The following SLC25A13 variants were observed in gnomAD, a reference collection of about 807,000 sequenced individuals.
SLC25A13 encodes the protein solute carrier family 25 member 13.
SLC25A13 carries 70 observed loss-of-function variants against 85.5 expected under a neutral mutation model. The observed-to-expected ratio is 0.82, with a 90% confidence interval of 0.68 to 1.00. The LOEUF (loss-of-function observed/expected upper bound fraction) is 1.00, where lower values mean the gene tolerates loss of function less well. Ranked by LOEUF, SLC25A13 falls within the 50% of genes least tolerant of loss-of-function variation. The pLI is 0.00. For synonymous variants in SLC25A13, 259 were observed against 288.7 expected (o/e 0.90, Z 1.04); for missense variants, 765 against 819.8 (o/e 0.93, Z 0.82).
chr7:96,220,058 G>A (rs1167860279), intron 4 of SLC25A13, among the ~76,000 whole-genome samples: 1 of 152,194 alleles, frequency 6.6e-6, no homozygotes, highest in Non-Finnish European at 1.5e-5. Flanking sequence ...ATAGCAGACT[G>A]TGGCCACTCT....
intron 1 of SLC25A13, chr7:96,306,753 C>T (rs1403615110): frequency 3.5e-6 from 4 of 1,147,078 alleles, no homozygotes; most frequent in South Asian, 2.5e-5. Context: ...CATCCCTCTG[C>T]ATTTTGTTCT....
intron 14 of SLC25A13, among the ~76,000 whole-genome samples, chr7:96,132,460 T>C (rs907605293): frequency 2.6e-5 from 4 of 152,322 alleles, no homozygotes; most frequent in Admixed American, 1.3e-4. Context: ...TTATGAAACA[T>C]TGATAAATGC....
intron 5 of SLC25A13, among the ~76,000 whole-genome samples, chr7:96,205,888 T>C (rs1261216033): frequency 6.6e-6 from 1 of 151,900 alleles, no homozygotes. Flanking sequence ...CACAGCCACA[T>C]GGTGGTTTCT....
At chr7:96,231,172 A>G (rs138714419) in intron 4 of SLC25A13, among the ~76,000 whole-genome samples, 30 of 152,344 alleles carry the variant, frequency 2.0e-4, no homozygotes, top group African/African-American at 6.7e-4. Context: ...AACCTAGGCA[A>G]TACCACTCTG....
intron 14 of SLC25A13, among the ~76,000 whole-genome samples, chr7:96,146,163 T>G (rs1792779018): frequency 6.6e-6 from 1 of 152,160 alleles, no homozygotes; most frequent in African/African-American, 2.4e-5. Context: ...AAGGCATACA[T>G]ATATAGAGAA....
At chr7:96,230,230 G>C (rs994028277) in intron 4 of SLC25A13, among the ~76,000 whole-genome samples, 1 of 152,190 alleles carries the variant, frequency 6.6e-6, no homozygotes, top group Non-Finnish European at 1.5e-5. Flanking sequence ...CAGACCAAAA[G>C]AGTACATTCT....
At chr7:96,213,260 TG>T (rs1010844272) in intron 4 of SLC25A13, among the ~76,000 whole-genome samples, 1 of 152,204 alleles carries the variant, frequency 6.6e-6, no homozygotes, top group Non-Finnish European at 1.5e-5. Flanking sequence ...TCCCTCACTC[TG>T]GGAGACATTA....
intron 13 of SLC25A13, among the ~76,000 whole-genome samples, chr7:96,152,025 T>A (rs1158324395): frequency 6.6e-6 from 1 of 152,228 alleles, no homozygotes; most frequent in African/African-American, 2.4e-5. Flanking sequence ...CTATTTAACA[T>A]GCTTGGAGTC....
At chr7:96,308,919 C>T (rs1799857444) in intron 1 of SLC25A13, among the ~76,000 whole-genome samples, 1 of 152,138 alleles carries the variant, frequency 6.6e-6, no homozygotes, top group Admixed American at 6.5e-5. Context: ...TCTCAAGTTG[C>T]TGTTGGACAC....
chr7:96,322,060 C>A lies in SLC25A13; in HGVS notation c.-104G>T. 1 of 1,437,064 alleles carries A rather than the reference C, an allele frequency of 7.0e-7. No individual in the cohort carries two copies. The highest frequency in any genetic ancestry group is 1.3e-5 in the South Asian group (1 of 79,218). The allele number at this position is 1,437,064 out of a possible 1,614,324, so 89.0% of individuals were successfully genotyped here. On this transcript the variant is annotated 5_prime_UTR_variant, in exon 1 of 18. Transcript: ENST00000265631. ...GTCCCGGCGGCGGCGGCGGTGGGGG[C>A]GGCGATACGGCCAGGCAGCGTGCGT...
chr7:96,206,566 C>T (rs192013454), intron 5 of SLC25A13, among the ~76,000 whole-genome samples: 45 of 152,220 alleles, frequency 3.0e-4, no homozygotes, highest in Admixed American at 1.0e-3. Context: ...CCTATAAGTC[C>T]GGATCTGGAC....
At chr7:96,301,321 T>C (rs1165702194) in intron 1 of SLC25A13, among the ~76,000 whole-genome samples, 1 of 152,226 alleles carries the variant, frequency 6.6e-6, no homozygotes, top group Non-Finnish European at 1.5e-5. Context: ...TACATTTTTT[T>C]CTCATATATT....
chr7:96,195,685 CT>C (rs1795033068), intron 5 of SLC25A13, among the ~76,000 whole-genome samples: 1 of 152,192 alleles, frequency 6.6e-6, no homozygotes. Flanking sequence ...ATGCCCACCC[CT>C]GCCAGACCTG....
chr7:96,309,821 A>T (rs1381565926), intron 1 of SLC25A13: 1 of 152,174 alleles, frequency 6.6e-6, no homozygotes, highest in Non-Finnish European at 1.5e-5. Context: ...CCCACACCTA[A>T]TTCATATGTT....
intron 2 of SLC25A13, 82 bp from the exon 3 acceptor site, chr7:96,277,420 T>G: frequency 2.3e-6 from 3 of 1,305,990 alleles, no homozygotes; most frequent in Non-Finnish European, 3.2e-6. Flanking sequence ...GTGAAAAAGT[T>G]GAAAATATCC....
intron 2 of SLC25A13, among the ~76,000 whole-genome samples, chr7:96,290,902 T>C (rs1305407076): frequency 6.6e-6 from 1 of 152,120 alleles, no homozygotes; most frequent in Non-Finnish European, 1.5e-5. Flanking sequence ...TATCCAGGAA[T>C]TGAACTCAGC....
chr7:96,170,015 T>C (rs2116576566), intron 13 of SLC25A13, 30 bp downstream of exon 13: 1 of 1,606,370 alleles, frequency 6.2e-7, no homozygotes, highest in Middle Eastern at 1.7e-4. Context: ...ACAAGTCTTT[T>C]CAATGAAGAG....
intron 3 of SLC25A13, among the ~76,000 whole-genome samples, chr7:96,250,596 G>GT (rs1285423769): frequency 6.6e-6 from 1 of 152,102 alleles, no homozygotes; most frequent in Non-Finnish European, 1.5e-5. Context: ...TATATAGGTG[G>GT]TTTTTTCAAC....
rs375941520 is a variant in SLC25A13 at position 96,121,614 on chromosome 7, C to T, written c.1841+41G>A. 15 of 1,593,814 alleles carry T rather than the reference C, an allele frequency of 9.4e-6. No homozygotes were observed. In the African/African-American group the frequency reaches 1.6e-4, roughly 17 times the overall value. On this transcript the variant is annotated intron_variant, in intron 17 of 17. Transcript: ENST00000265631. The stretch of plus-strand genomic sequence containing the variant: ...TTTCCCTACGACAACAGAGCATTAG[C>T]AGCAGCCAAAATTTAGCAGCAGATT...
Sources: gnomAD v4.1 joint callset for allele counts (sites outside exome capture counted in the v4.1 genomes callset) on GRCh38, gnomAD v4.1.1 for gene constraint, MANE v1.5 for transcripts, NCBI Gene and HGNC (gene_info 2026-07-23, HGNC 2026-07-21) for gene names.